The following CNTNAP2 variants were observed in gnomAD, a reference collection of about 807,000 sequenced individuals.
CNTNAP2 encodes contactin associated protein 2.
Under a neutral mutation model 155.2 loss-of-function variants are expected in CNTNAP2, and 98 were observed. The ratio of observed to expected loss-of-function variants is 0.63; its 90% CI spans 0.54 to 0.75. The LOEUF is 0.75. CNTNAP2 is among the 30% of genes least tolerant of loss of function. The pLI is 0.00. For synonymous variants in CNTNAP2, 651 were observed against 631.2 expected, an observed-to-expected ratio of 1.03 and a Z score of -0.47; for missense variants, 1,727 against 1,688.1, an observed-to-expected ratio of 1.02 and a Z score of -0.40.
At chr7:147,914,876 C>T (rs1800133037) in intron 14 of CNTNAP2, among the ~76,000 whole-genome samples, 2 of 152,206 alleles carry the variant, frequency 1.3e-5, no homozygotes, top group South Asian at 4.1e-4. Flanking sequence ...TGTGTATAAT[C>T]CATAACCTTT....
intron 13 of CNTNAP2, among the ~76,000 whole-genome samples, chr7:147,686,973 C>T (rs951568800): frequency 7.2e-5 from 11 of 151,858 alleles, no homozygotes; most frequent in Admixed American, 2.0e-4. Flanking sequence ...CTACAGTTAA[C>T]ATTTATCTAT....
Position 147,108,324 on chromosome 7 carries a change from C to G in CNTNAP2, c.728C>G (p.Ala243Gly). ...TACATTACCTTGGAACTGAAAAAAGCCAAGCTGGTCCTCAGTTTAAACTTA... is the reference window on the plus strand; with the variant it reads ...TACATTACCTTGGAACTGAAAAAAGGCAAGCTGGTCCTCAGTTTAAACTTA... ...GDYITLELKK[A>G]KLVLSLNLGS... The change falls in exon 5 of 24, where the codon GCC becomes GGC. Residue 243 changes from alanine (A) to glycine (G), a missense_variant. Physicochemically the swap from Ala to Gly is moderately conservative, Grantham distance 60 (BLOSUM62 0). Coordinates refer to ENST00000361727, the MANE Select transcript of CNTNAP2 (RefSeq NM_014141.6). 1.2e-6 allele frequency: 2 copies of G among 1,613,392 alleles called. No individual in the cohort carries two copies. The highest frequency in any genetic ancestry group is 8.5e-7 in the Non-Finnish European group (1 of 1,179,648).
chr7:146,774,157 T>C, intron 1 of CNTNAP2, 114 bp from the exon 2 acceptor site: 1 of 775,272 alleles, frequency 1.3e-6, no homozygotes, highest in African/African-American at 1.7e-5. Flanking sequence ...AAATATTGTT[T>C]CAAAGATACA....
At chr7:146,352,300 T>C (rs1794927044) in intron 1 of CNTNAP2, among the ~76,000 whole-genome samples, 1 of 152,240 alleles carries the variant, frequency 6.6e-6, no homozygotes, top group Non-Finnish European at 1.5e-5. Flanking sequence ...TTAATACTTT[T>C]AACATCTTTC....
intron 20 of CNTNAP2, among the ~76,000 whole-genome samples, chr7:148,256,658 A>G (rs1429288725): frequency 6.6e-6 from 1 of 152,032 alleles, no homozygotes; most frequent in Non-Finnish European, 1.5e-5. Context: ...TCGGGTTTGG[A>G]GAGAGCCCCA....
intron 9 of CNTNAP2, among the ~76,000 whole-genome samples, chr7:147,371,489 G>A (rs191543148): frequency 1.3e-5 from 2 of 152,276 alleles, no homozygotes; most frequent in East Asian, 3.9e-4. Context: ...CACAGAAGGA[G>A]ACCTTTAATT....
intron 14 of CNTNAP2, among the ~76,000 whole-genome samples, chr7:147,921,832 A>G (rs1391775990): frequency 6.6e-6 from 1 of 152,218 alleles, no homozygotes; most frequent in East Asian, 1.9e-4. Context: ...AAAGAGGCAG[A>G]TCTATTCAAC....
chr7:147,999,489 G>A (rs943571382), intron 15 of CNTNAP2, among the ~76,000 whole-genome samples: 2 of 152,136 alleles, frequency 1.3e-5, no homozygotes, highest in African/African-American at 4.8e-5. Flanking sequence ...TAATAAATCT[G>A]TAAAATTATT....
chr7:147,575,345 CTG>C (rs1301597377), intron 12 of CNTNAP2, among the ~76,000 whole-genome samples: 3 of 71,030 alleles, frequency 4.2e-5, no homozygotes, highest in African/African-American at 1.7e-4. Flanking sequence ...GTGTGAGAGA[CTG>C]TGTGTGTATT....
At chr7:146,260,538 T>C (rs1461471021) in intron 1 of CNTNAP2, among the ~76,000 whole-genome samples, 1 of 152,208 alleles carries the variant, frequency 6.6e-6, no homozygotes, top group Admixed American at 6.5e-5. Context: ...ATCAGCATGC[T>C]CTGGATGTGA....
At chr7:147,399,814 G>A (rs776620840) in intron 10 of CNTNAP2, among the ~76,000 whole-genome samples, 12 of 152,036 alleles carry the variant, frequency 7.9e-5, no homozygotes, top group Non-Finnish European at 1.3e-4. Context: ...CATTTTATAA[G>A]CAATCATAGA....
At chr7:146,118,857 T>C (rs13231765) in intron 1 of CNTNAP2, among the ~76,000 whole-genome samples, 16,307 of 152,138 alleles carry the variant, frequency 0.11, 1,167 homozygotes, top group Non-Finnish European at 0.16. Flanking sequence ...CTCTATTGTT[T>C]AAAAATGTGT....
At chr7:146,672,925 T>C (rs1295362377) in intron 1 of CNTNAP2, among the ~76,000 whole-genome samples, 1 of 152,198 alleles carries the variant, frequency 6.6e-6, no homozygotes, top group Non-Finnish European at 1.5e-5. Flanking sequence ...GTAACTTAAA[T>C]GTATTAAGGC....
chr7:146,214,410 C>A (rs802535), intron 1 of CNTNAP2, among the ~76,000 whole-genome samples: 1 of 152,052 alleles, frequency 6.6e-6, no homozygotes, highest in African/African-American at 2.4e-5. Flanking sequence ...ATTTACATAC[C>A]TGGCTTTGTT....
At chr7:147,139,668 T>C (rs896629815) in intron 8 of CNTNAP2, among the ~76,000 whole-genome samples, 2 of 152,100 alleles carry the variant, frequency 1.3e-5, no homozygotes. Flanking sequence ...ATCTGTTGCT[T>C]GGTTGTAACT....
At chr7:146,808,808 CTTTG>C (rs1299344372) in intron 2 of CNTNAP2, among the ~76,000 whole-genome samples, 5 of 152,092 alleles carry the variant, frequency 3.3e-5, no homozygotes, top group African/African-American at 7.2e-5. Context: ...CAGTATTTTT[CTTTG>C]TTTATCAAGC....
intron 13 of CNTNAP2, among the ~76,000 whole-genome samples, chr7:147,878,144 GT>G (rs869214499): frequency 8.1e-4 from 77 of 95,018 alleles, no homozygotes; most frequent in South Asian, 3.0e-3. Context: ...GAAGTTTAGG[GT>G]TTTTTTTTTT....
intron 1 of CNTNAP2, among the ~76,000 whole-genome samples, chr7:146,719,041 A>G (rs1481732976): frequency 6.6e-6 from 1 of 152,186 alleles, no homozygotes; most frequent in Non-Finnish European, 1.5e-5. Flanking sequence ...CTTCTGAAGT[A>G]AGGAAGATTT....
intron 15 of CNTNAP2, among the ~76,000 whole-genome samples, chr7:148,037,808 A>G (rs1802598605): frequency 6.6e-6 from 1 of 152,248 alleles, no homozygotes; most frequent in South Asian, 2.1e-4. Flanking sequence ...CATAGTATAC[A>G]CAGATGATTC....
Sources: allele counts gnomAD v4.1 joint callset (sites outside exome capture counted in the v4.1 genomes callset), GRCh38; gene constraint gnomAD v4.1.1; transcripts MANE v1.5; gene names NCBI Gene and HGNC (gene_info 2026-07-23, HGNC 2026-07-21).